PXDNL: variants seen among roughly 807,000 people sequenced by gnomAD.
PXDNL encodes probable oxidoreductase PXDNL.
A neutral mutation model predicts 150.8 loss-of-function variants in PXDNL; 145 were observed. The ratio of observed to expected loss-of-function variants is 0.96; its 90% CI spans 0.84 to 1.10. PXDNL has a LOEUF of 1.10. PXDNL is among the 50% of genes least tolerant of loss of function. The pLI is 0.00. For missense variants in PXDNL, 2,087 were observed against 1,873.9 expected (o/e 1.11, Z -2.10); for synonymous variants, 757 against 725.7 (o/e 1.04, Z -0.69).
intron 1 of PXDNL, among the ~76,000 whole-genome samples, chr8:51,672,493 G>C (rs1214426079): frequency 6.6e-6 from 1 of 152,092 alleles, no homozygotes; most frequent in Non-Finnish European, 1.5e-5. Flanking sequence ...GCTCAACATG[G>C]TATTAATGAA....
Position 51,436,234 on chromosome 8 carries a change from T to C in PXDNL, c.1526-9476A>G, listed in dbSNP as rs932573073. On this transcript the variant is annotated intron_variant, in intron 12 of 22. Transcript: ENST00000356297. ...GGGCCATGTGTTGACTTTCACCATT[T>C]TGGATAATAGGATATGGTTTCAGAA... The C allele has an allele frequency of 1.7e-5, 9 of 521,078 alleles. No homozygotes were observed. In the African/African-American group the frequency reaches 1.7e-4, roughly 10 times the overall value. 32.3% of individuals were successfully genotyped at this position (521,078 alleles called of 1,614,324 possible).
chr8:51,678,811 T>C (rs2130842846), intron 1 of PXDNL, among the ~76,000 whole-genome samples: 1 of 152,268 alleles, frequency 6.6e-6, no homozygotes. Flanking sequence ...GGCACATGTA[T>C]ACATATGTAA....
intron 2 of PXDNL, among the ~76,000 whole-genome samples, chr8:51,620,199 A>G (rs1341575959): frequency 6.6e-6 from 1 of 152,230 alleles, no homozygotes; most frequent in East Asian, 1.9e-4. Flanking sequence ...AAAATTTGTC[A>G]ATGAATTGAG....
chr8:51,380,134 A>AT (rs1164647224), intron 17 of PXDNL, among the ~76,000 whole-genome samples: 1 of 152,094 alleles, frequency 6.6e-6, no homozygotes, highest in African/African-American at 2.4e-5. Context: ...AGCTAAAAAA[A>AT]AAAAAATAAC....
intron 2 of PXDNL, among the ~76,000 whole-genome samples, chr8:51,630,966 A>G (rs1244039293): frequency 6.6e-6 from 1 of 152,170 alleles, no homozygotes; most frequent in African/African-American, 2.4e-5. Flanking sequence ...TTCTGTCATA[A>G]AGACACATGC....
chr8:51,688,137 T>C (rs920001273), intron 1 of PXDNL, among the ~76,000 whole-genome samples: 1 of 152,142 alleles, frequency 6.6e-6, no homozygotes, highest in Non-Finnish European at 1.5e-5. Context: ...TTTCCTTACA[T>C]GTCTTAATAT....
At chr8:51,348,672 G>T (rs1368863064) in intron 19 of PXDNL, among the ~76,000 whole-genome samples, 1 of 152,052 alleles carries the variant, frequency 6.6e-6, no homozygotes, top group Non-Finnish European at 1.5e-5. Flanking sequence ...ATGTGCATGT[G>T]TATATATACA....
chr8:51,356,011 G>T (rs769087615), intron 19 of PXDNL, among the ~76,000 whole-genome samples: 1 of 152,234 alleles, frequency 6.6e-6, no homozygotes, highest in Non-Finnish European at 1.5e-5. Flanking sequence ...ACATGGTGGG[G>T]TGAGGAAAAC....
At chr8:51,720,444 CTT>C (rs1816706593) in intron 1 of PXDNL, among the ~76,000 whole-genome samples, 1 of 152,038 alleles carries the variant, frequency 6.6e-6, no homozygotes, top group Admixed American at 6.6e-5. Flanking sequence ...ATAAATCAGA[CTT>C]ATTGGCATAA....
At chr8:51,442,509 A>AT (rs1231558955) in intron 12 of PXDNL, among the ~76,000 whole-genome samples, 2 of 151,980 alleles carry the variant, frequency 1.3e-5, no homozygotes, top group Admixed American at 6.6e-5. Context: ...CAGTAGACCT[A>AT]TTTTATCATG....
chr8:51,497,917 C>T (rs960033659), intron 5 of PXDNL, among the ~76,000 whole-genome samples: 3 of 152,122 alleles, frequency 2.0e-5, no homozygotes, highest in African/African-American at 7.2e-5. Context: ...TTGACCCAGC[C>T]ATCCCATTAC....
At chr8:51,666,793 A>T (rs1351454734) in intron 1 of PXDNL, among the ~76,000 whole-genome samples, 1 of 152,158 alleles carries the variant, frequency 6.6e-6, no homozygotes, top group Non-Finnish European at 1.5e-5. Context: ...TGCACTCTAT[A>T]TGCCCCTCTT....
chr8:51,367,740 G>C (rs185405081), intron 19 of PXDNL, among the ~76,000 whole-genome samples: 1 of 152,094 alleles, frequency 6.6e-6, no homozygotes, highest in Admixed American at 6.5e-5. Flanking sequence ...AAAAATGCAC[G>C]ACAATGGATT....
At chr8:51,666,831 G>A (rs1327020666) in intron 1 of PXDNL, among the ~76,000 whole-genome samples, 1 of 152,124 alleles carries the variant, frequency 6.6e-6, no homozygotes, top group African/African-American at 2.4e-5. Context: ...ATTTTTGTAG[G>A]AAAGCAAACT....
intron 6 of PXDNL, 84 bp from the exon 7 acceptor site, chr8:51,475,225 C>T (rs1164730318): frequency 7.5e-7 from 1 of 1,327,916 alleles, no homozygotes; most frequent in Non-Finnish European, 1.0e-6. Flanking sequence ...TATTTAATTT[C>T]CCCTGATTTA....
chr8:51,635,698 A>AT (rs1814590940), intron 2 of PXDNL, among the ~76,000 whole-genome samples: 1 of 152,068 alleles, frequency 6.6e-6, no homozygotes, highest in African/African-American at 2.4e-5. Flanking sequence ...TTTTTAAGAG[A>AT]TTGAATCAAT....
chr8:51,743,944 GAAA>G (rs1451132191), intron 1 of PXDNL, among the ~76,000 whole-genome samples: 148 of 21,482 alleles, frequency 6.9e-3, no homozygotes, highest in Middle Eastern at 0.05. Context: ...AGGAAGGAGA[GAAA>G]GAGAGAAAGA....
intron 3 of PXDNL, among the ~76,000 whole-genome samples, chr8:51,569,370 G>A (rs1248621982): frequency 2.0e-5 from 3 of 151,922 alleles, no homozygotes; most frequent in Non-Finnish European, 4.4e-5. Flanking sequence ...CATTTTCAAA[G>A]TAAAATTTGG....
chr8:51,453,828 G>A (rs1196105180), intron 9 of PXDNL, 43 bp from the exon 10 acceptor site: 1 of 1,595,744 alleles, frequency 6.3e-7, no homozygotes. Context: ...GCAAGTAGCA[G>A]TTAGGAAGAT....
Sources: gnomAD v4.1 joint callset for allele counts (sites outside exome capture counted in the v4.1 genomes callset) on GRCh38, gnomAD v4.1.1 for gene constraint, MANE v1.5 for transcripts, NCBI Gene and HGNC (gene_info 2026-07-23, HGNC 2026-07-21) for gene names.